DOCK11: variants seen among roughly 807,000 people sequenced by gnomAD.
DOCK11 encodes the protein dedicator of cytokinesis protein 11.
In DOCK11, 70 loss-of-function variants were observed where a neutral mutation model predicts 169.1. The observed-to-expected ratio is 0.41, with a 90% CI of 0.34 to 0.51. DOCK11 has a LOEUF of 0.51. Ranked by LOEUF, DOCK11 falls within the 20% of genes least tolerant of loss-of-function variation. The pLI, the probability that DOCK11 is intolerant of heterozygous loss-of-function variation, is 0.10. For synonymous variants in DOCK11, 529 were observed against 541.3 expected, an observed-to-expected ratio of 0.98 and a Z score of 0.32; for missense variants, 1,166 against 1,538.8, an observed-to-expected ratio of 0.76 and a Z score of 4.05.
chrX:118,596,798 C>T (rs2014180928), intron 20 of DOCK11, among the ~76,000 whole-genome samples: 1 of 111,666 alleles, frequency 9.0e-6, no homozygotes, highest in Non-Finnish European at 1.9e-5. Flanking sequence ...AACACTATTT[C>T]CTGCCTGCAT....
At chrX:118,649,509 AATTTTATTTT>A (rs1407872230) in intron 41 of DOCK11, among the ~76,000 whole-genome samples, 2 of 111,373 alleles carry the variant, frequency 1.8e-5, no homozygotes, top group South Asian at 3.7e-4. Context: ...CTTTATTTCA[AATTTTATTTT>A]ATTTTATTTT....
chrX:118,654,986 T>TG, intron 44 of DOCK11, 25 bp downstream of exon 44: 2 of 1,168,804 alleles, frequency 1.7e-6, no homozygotes, highest in Non-Finnish European at 2.3e-6. Context: ...TTTTTAGAGA[T>TG]GGGGGGATTT....
chrX:118,608,030 C>T (rs201597701), intron 24 of DOCK11, 42 bp from the exon 25 acceptor site: 207 of 1,077,416 alleles, frequency 1.9e-4, no homozygotes, highest in African/African-American at 3.7e-5. Context: ...TATGTTAATT[C>T]ATTATAGCAT....
chrX:118,514,471 C>G (rs725501), intron 1 of DOCK11, among the ~76,000 whole-genome samples: 17,026 of 110,208 alleles, frequency 0.15, 3,308 homozygotes, highest in African/African-American at 0.54. Flanking sequence ...CTCTTGAGAG[C>G]GTGGGGGAGA....
chrX:118,565,000 A>G (rs1322684658), intron 7 of DOCK11, among the ~76,000 whole-genome samples: 2 of 110,034 alleles, frequency 1.8e-5, no homozygotes, highest in African/African-American at 6.6e-5. Context: ...TAGTAGTACC[A>G]TCTTGGCTCA....
chrX:118,611,422 C>A (rs1198285417), intron 28 of DOCK11, among the ~76,000 whole-genome samples: 1 of 112,254 alleles, frequency 8.9e-6, no homozygotes, highest in Non-Finnish European at 1.9e-5. Flanking sequence ...GGAGCACATA[C>A]TTTCTAGGTT....
chrX:118,621,512 C>T (rs147935541), intron 31 of DOCK11, among the ~76,000 whole-genome samples: 91 of 112,106 alleles, frequency 8.1e-4, no homozygotes, highest in African/African-American at 2.7e-3. Context: ...TGCTTTGAGA[C>T]TCAACTCCCT....
At chrX:118,621,935 C>T (rs1437880466) in intron 31 of DOCK11, among the ~76,000 whole-genome samples, 1 of 111,280 alleles carries the variant, frequency 9.0e-6, no homozygotes, top group Non-Finnish European at 1.9e-5. Flanking sequence ...GCCCAGCCAG[C>T]AATGTCTCTT....
intron 1 of DOCK11, among the ~76,000 whole-genome samples, chrX:118,508,919 T>C (rs2057631911): frequency 8.9e-6 from 1 of 112,435 alleles, no homozygotes; most frequent in Non-Finnish European, 1.9e-5. Context: ...CTGCTTCCTT[T>C]GCTCAGTACT....
chrX:118,653,411 G>A (rs2015992851), intron 42 of DOCK11, among the ~76,000 whole-genome samples: 1 of 110,286 alleles, frequency 9.1e-6, no homozygotes, highest in African/African-American at 3.3e-5. Flanking sequence ...TATTTCTATT[G>A]TATTTATTTA....
At chrX:118,679,798 C>T (rs1166699093) in intron 48 of DOCK11, among the ~76,000 whole-genome samples, 1 of 110,106 alleles carries the variant, frequency 9.1e-6, no homozygotes, top group Non-Finnish European at 1.9e-5. Context: ...TCACATAATG[C>T]ACAATCAAAA....
At chrX:118,584,593 A>G in intron 14 of DOCK11, 142 bp from the exon 15 acceptor site, 1 of 454,299 alleles carries the variant, frequency 2.2e-6, no homozygotes, top group Non-Finnish European at 3.5e-6. Flanking sequence ...TTGTAGAGTG[A>G]TGGGTGATTA....
At position 118,599,168 on chromosome X, in the gene DOCK11, T is replaced by C; in HGVS notation, c.2502T>C (p.His834=). The part of the protein sequence containing the change: ...QDLHVHKFFH[H]CQLIQSGSKE... Reference sequence around the variant, plus strand: ...TGCATGTGCACAAATTCTTCCATCATTGCCAGCTGATTCAGTCAGGCTCGA... The same window carrying C: ...TGCATGTGCACAAATTCTTCCATCACTGCCAGCTGATTCAGTCAGGCTCGA... Residue 834 remains histidine (H), a synonymous_variant, in exon 23 of 53, where the codon CAT becomes CAC. Coordinates refer to ENST00000276202, the MANE Select transcript of DOCK11 (RefSeq NM_144658.4). The C allele has an allele frequency of 8.3e-7, 1 of 1,211,326 alleles. No homozygotes were observed. Among genetic ancestry groups the C allele is most frequent in the African/African-American group, 1.7e-5 (1 of 57,848 alleles).
chrX:118,597,332 G>A (rs1029631667), intron 20 of DOCK11, 99 bp from the exon 21 acceptor site: 18 of 1,089,795 alleles, frequency 1.7e-5, no homozygotes, highest in Non-Finnish European at 2.0e-5. Context: ...CAGATCCCTG[G>A]AGACATCACC....
At chrX:118,636,083 G>A (rs2015380393) in intron 35 of DOCK11, among the ~76,000 whole-genome samples, 1 of 111,264 alleles carries the variant, frequency 9.0e-6, no homozygotes, top group African/African-American at 3.3e-5. Flanking sequence ...ACGAAGATTG[G>A]GATAAGCGAC....
At chrX:118,576,811 T>C (rs753743941) in intron 12 of DOCK11, among the ~76,000 whole-genome samples, 3 of 112,431 alleles carry the variant, frequency 2.7e-5, no homozygotes, top group African/African-American at 9.7e-5. Context: ...AGGTGCTCAG[T>C]AAATGTTAGC....
Position 118,631,732 on chromosome X carries a change from A to G in DOCK11, c.3886+1242A>G, listed in dbSNP as rs768064242. On this transcript the variant is annotated intron_variant, in intron 35 of 52. Coordinates refer to ENST00000276202, the MANE Select transcript of DOCK11 (RefSeq NM_144658.4). ...AAAATAGGTCCAAGAGATACATTAG[A>G]AAAAAAGCAGAAGTGAACAAAAAAG... is the stretch of plus-strand genomic sequence containing the variant. 2.7e-5 allele frequency among the ~76,000 whole-genome samples: 3 copies of G among 110,796 alleles called. No individual in the cohort carries two copies. In the East Asian group the frequency reaches 8.4e-4, roughly 31 times the overall value.
chrX:118,588,242 A>T lies in DOCK11; in HGVS notation c.1901A>T (p.Tyr634Phe). 2.5e-6 allele frequency: 3 copies of T among 1,201,882 alleles called. No individual in the cohort carries two copies. Among genetic ancestry groups the T allele is most frequent in the Non-Finnish European group, 3.4e-6 (3 of 889,860 alleles). The change falls in exon 17 of 53, where the codon TAT (tyrosine) becomes TTT (phenylalanine). Residue 634 changes from tyrosine to phenylalanine, a missense_variant. Physicochemically the swap from Tyr to Phe is conservative, Grantham distance 22. Transcript: ENST00000276202. ...EFVPEMTKYC[Y>F]PFTIYKNHLY... ...GTTCCAGAAATGACAAAATATTGTT[A>T]TCCATTTACTATTTACAAAAACCAT...
intron 1 of DOCK11, among the ~76,000 whole-genome samples, chrX:118,506,518 T>C (rs1309527577): frequency 9.1e-6 from 1 of 109,740 alleles, no homozygotes; most frequent in Non-Finnish European, 1.9e-5. Context: ...ATACAAAAAT[T>C]AGCTGGGCAT....
Sources: allele counts gnomAD v4.1 joint callset (sites outside exome capture counted in the v4.1 genomes callset), GRCh38; gene constraint gnomAD v4.1.1; transcripts MANE v1.5; gene names NCBI Gene and HGNC (gene_info 2026-07-23, HGNC 2026-07-21).